KATNA1: variants seen among roughly 807,000 people sequenced by gnomAD.
KATNA1 encodes katanin p60 ATPase-containing subunit A1.
Under a neutral mutation model 62.6 loss-of-function variants are expected in KATNA1, and 42 were observed. That is an observed-to-expected ratio of 0.67 (90% CI 0.52 to 0.87). KATNA1 has a LOEUF of 0.87. Ranked by LOEUF, KATNA1 falls within the 40% of genes least tolerant of loss-of-function variation. The pLI, the probability that KATNA1 is intolerant of heterozygous loss-of-function variation, is 0.00. For missense variants in KATNA1, 498 were observed against 612.5 expected, an observed-to-expected ratio of 0.81 and a Z score of 1.97; for synonymous variants, 186 against 201.9, an observed-to-expected ratio of 0.92 and a Z score of 0.67.
chr6:149,597,402 C>A, intron 9 of KATNA1, 105 bp downstream of exon 9: 1 of 1,359,274 alleles, frequency 7.4e-7, no homozygotes, highest in Non-Finnish European at 1.0e-6. Flanking sequence ...GAAGATACTC[C>A]TCATGTATCT....
intron 4 of KATNA1, 69 bp from the exon 5 acceptor site, chr6:149,604,851 T>C (rs1456711555): frequency 1.0e-5 from 15 of 1,492,298 alleles, no homozygotes; most frequent in East Asian, 2.3e-5. Context: ...GAAACACAGA[T>C]TGGACTCAAG....
chr6:149,617,527 C>T (rs540629023), intron 4 of KATNA1, among the ~76,000 whole-genome samples: 10 of 152,300 alleles, frequency 6.6e-5, no homozygotes, highest in South Asian at 6.2e-4. Context: ...ACTGGCCAGG[C>T]GCAGTGGCTC....
At chr6:149,596,286 G>C (rs1778307391) in intron 10 of KATNA1, among the ~76,000 whole-genome samples, 1 of 152,200 alleles carries the variant, frequency 6.6e-6, no homozygotes, top group Admixed American at 6.5e-5. Context: ...TGTAATCTTA[G>C]CATTTTGGGA....
At chr6:149,598,493 C>T in intron 7 of KATNA1, 143 bp from the exon 8 acceptor site, 1 of 734,902 alleles carries the variant, frequency 1.4e-6, no homozygotes, top group Non-Finnish European at 2.2e-6. Context: ...GAGGGTGAGG[C>T]AGGAGGATGG....
chr6:149,601,769 A>G lies in KATNA1; in HGVS notation c.730-17T>C. 1 of 1,534,634 alleles carries G rather than the reference A, an allele frequency of 6.5e-7. No individual in the cohort carries two copies. Among genetic ancestry groups the G allele is most frequent in the East Asian group, 2.3e-5 (1 of 42,680 alleles). ...CAGTACTCCCTGTTGCGAATATAAT[A>G]GCCTCAGCAGAGGATTTATCTGCCA... is the stretch of plus-strand genomic sequence containing the variant. On this transcript the variant is annotated splice_polypyrimidine_tract_variant and intron_variant, in intron 6 of 10. Coordinates refer to ENST00000367411, the MANE Select transcript of KATNA1 (RefSeq NM_007044.4).
intron 4 of KATNA1, among the ~76,000 whole-genome samples, chr6:149,615,216 T>C (rs1779124081): frequency 6.6e-6 from 1 of 151,232 alleles, no homozygotes; most frequent in Non-Finnish European, 1.5e-5. Flanking sequence ...GATTTTTTTT[T>C]TTTTTGAGAT....
chr6:149,625,840 A>G (rs1200601639), intron 3 of KATNA1, among the ~76,000 whole-genome samples: 1 of 151,554 alleles, frequency 6.6e-6, no homozygotes, highest in Non-Finnish European at 1.5e-5. Context: ...AGGCTGAGGC[A>G]TGAAAATCGC....
At chr6:149,647,751 T>C (rs1780545481) in intron 1 of KATNA1, among the ~76,000 whole-genome samples, 1 of 152,090 alleles carries the variant, frequency 6.6e-6, no homozygotes, top group African/African-American at 2.4e-5. Context: ...GAGGAAGACG[T>C]AAATTAGTGC....
In KATNA1 at chr6:149,618,040, A is replaced by T. The variant is rs1475860803; in HGVS notation, c.501+5063T>A. On this transcript the variant is annotated intron_variant, in intron 4 of 10. Transcript: ENST00000367411. Reference sequence around the variant, plus strand: ...CATGGTGGCACATGCCTGTAGTCCCAGCTACTCGGCAGGCTGAGGCAGGAG... The same window carrying T: ...CATGGTGGCACATGCCTGTAGTCCCTGCTACTCGGCAGGCTGAGGCAGGAG... 2.0e-5 allele frequency among the ~76,000 whole-genome samples: 3 copies of T among 148,928 alleles called. No individual in the cohort carries two copies. In the South Asian group the frequency reaches 6.3e-4, roughly 31 times the overall value.
At position 149,630,317 on chromosome 6, in the gene KATNA1, T is replaced by C. The variant is rs141467634; in HGVS notation, c.320+2442A>G. 8.7e-3 allele frequency among the ~76,000 whole-genome samples: 1,324 copies of C among 152,334 alleles called. 18 individuals are homozygous for C. The highest frequency in any genetic ancestry group is 0.08 in the South Asian group (387 of 4,830). On this transcript the variant is annotated intron_variant, in intron 3 of 10. Transcript: ENST00000367411. ...GTAACAGAACATTAGTACAGTCCTTTTATGTGGAGATTAAGAAAATAAAAG... is the reference window on the plus strand; with the variant it reads ...GTAACAGAACATTAGTACAGTCCTTCTATGTGGAGATTAAGAAAATAAAAG...
chr6:149,626,231 A>G (rs2114586203), intron 3 of KATNA1, among the ~76,000 whole-genome samples: 1 of 151,464 alleles, frequency 6.6e-6, no homozygotes, highest in African/African-American at 2.4e-5. Flanking sequence ...AACATGTACA[A>G]ACCTTTTTTT....
chr6:149,613,179 C>CAAAA lies in KATNA1; in HGVS notation c.502-8401_502-8398dup, dbSNP rs71270309. Among the ~76,000 whole-genome samples the CAAAA allele has an allele frequency of 5.0e-3, 63 of 12,576 alleles. 15 individuals are homozygous for CAAAA. Among genetic ancestry groups the CAAAA allele is most frequent in the Non-Finnish European group, 0.011 (45 of 4,046 alleles). The allele number at this position is 12,576 out of a possible 152,430, so 8.3% of individuals were successfully genotyped here. On this transcript the variant is annotated intron_variant, in intron 4 of 10. Coordinates refer to ENST00000367411, the MANE Select transcript of KATNA1 (RefSeq NM_007044.4). The stretch of plus-strand genomic sequence containing the variant: ...TGGGCAACAGAGCGAGACTCTGTCT[C>CAAAA]AAAAAAAAAAAAAAAAAAAAAAAAA...
chr6:149,604,922 C>T (rs1014494525), intron 4 of KATNA1, 140 bp from the exon 5 acceptor site: 7 of 747,900 alleles, frequency 9.4e-6, no homozygotes, highest in East Asian at 2.6e-5. Context: ...CACCTGTAAT[C>T]CCAGCACTTT....
At position 149,597,183 on chromosome 6, in the gene KATNA1, C is replaced by CG; in HGVS notation, c.1156_1157insC (p.Gly386AlafsTer12). 1 of 1,613,290 alleles carries CG rather than the reference C, an allele frequency of 6.2e-7. No homozygotes were observed. Among genetic ancestry groups the CG allele is most frequent in the Non-Finnish European group, 8.5e-7 (1 of 1,179,794 alleles). On this transcript the variant is annotated frameshift_variant, in exon 10 of 11. Coordinates refer to ENST00000367411, the MANE Select transcript of KATNA1 (RefSeq NM_007044.4). LOFTEE classifies it high-confidence loss of function. ...ACTTATTCGTAATAGCTCCTCCCTG[C>CG]CTTTTGCTAATGGTAGAAACAAATT...
intron 1 of KATNA1, among the ~76,000 whole-genome samples, chr6:149,644,271 C>G (rs761602048): frequency 6.6e-6 from 1 of 151,982 alleles, no homozygotes; most frequent in Non-Finnish European, 1.5e-5. Flanking sequence ...AAGCCTCTCT[C>G]CCTCTTTTCC....
At chr6:149,625,897 G>GCACTC (rs1419928149) in intron 3 of KATNA1, among the ~76,000 whole-genome samples, 1 of 151,290 alleles carries the variant, frequency 6.6e-6, no homozygotes, top group East Asian at 1.9e-4. Flanking sequence ...TCACGCCACT[G>GCACTC]CACTCCAGCC....
At chr6:149,600,241 C>T (rs1032737942) in intron 7 of KATNA1, among the ~76,000 whole-genome samples, 4 of 148,036 alleles carry the variant, frequency 2.7e-5, no homozygotes, top group Non-Finnish European at 5.9e-5. Context: ...ATGGCTCTTG[C>T]CTGTAATCCC....
At chr6:149,645,391 C>T (rs2114645134) in intron 1 of KATNA1, among the ~76,000 whole-genome samples, 1 of 150,166 alleles carries the variant, frequency 6.7e-6, no homozygotes, top group South Asian at 2.1e-4. Flanking sequence ...GCAAGTGAGC[C>T]AAGCTCGCGC....
At chr6:149,644,539 C>T (rs1285468567) in intron 1 of KATNA1, among the ~76,000 whole-genome samples, 1 of 151,856 alleles carries the variant, frequency 6.6e-6, no homozygotes, top group Non-Finnish European at 1.5e-5. Flanking sequence ...GAGGATCACC[C>T]AAGCCCAGGA....
Sources: allele counts gnomAD v4.1 joint callset (sites outside exome capture counted in the v4.1 genomes callset), GRCh38; gene constraint gnomAD v4.1.1; transcripts MANE v1.5; gene names NCBI Gene and HGNC (gene_info 2026-07-23, HGNC 2026-07-21).